The following GNG7 variants were observed in gnomAD, a reference collection of about 807,000 sequenced individuals.
The protein encoded by GNG7 is guanine nucleotide-binding protein G(I)/G(S)/G(O) subunit gamma-7.
In GNG7, 1 loss-of-function variant was observed where a neutral mutation model predicts 4.0. That is an observed-to-expected ratio of 0.25 (90% CI 0.09 to 1.18). The LOEUF (loss-of-function observed/expected upper bound fraction) is 1.18, where lower values mean the gene tolerates loss of function less well. Among genes scored for constraint, GNG7 ranks in the 50% most tolerant of loss-of-function variants. The pLI is 0.50. For synonymous variants in GNG7, 34 were observed against 36.9 expected (o/e 0.92, Z 0.29); for missense variants, 86 against 91.9 (o/e 0.94, Z 0.26).
At chr19:2,599,481 C>T (rs1359666157) in intron 2 of GNG7, among the ~76,000 whole-genome samples, 1 of 152,022 alleles carries the variant, frequency 6.6e-6, no homozygotes, top group African/African-American at 2.4e-5. Flanking sequence ...GAGGGGGGCC[C>T]TCGGGCAGCC....
chr19:2,557,581 A>G lies in GNG7; in HGVS notation c.-77-2393T>C, dbSNP rs1429011606. Among the ~76,000 whole-genome samples the G allele has an allele frequency of 6.6e-6, 1 of 151,612 alleles. No individual in the cohort carries two copies. Among genetic ancestry groups the G allele is most frequent in the East Asian group, 1.9e-4 (1 of 5,156 alleles). Reference sequence around the variant, plus strand: ...TGTAGCACCGTTTCAGGACCGTGATAGAGAAAGACGGGAAGTTAGACTTCT... The same window carrying G: ...TGTAGCACCGTTTCAGGACCGTGATGGAGAAAGACGGGAAGTTAGACTTCT... On this transcript the variant is annotated intron_variant, in intron 2 of 4. Coordinates refer to ENST00000382159, the MANE Select transcript of GNG7 (RefSeq NM_052847.3). This position sits in a 1 kb window ranked among gnomAD's most constrained non-coding sequence, Gnocchi z 5.1.
intron 2 of GNG7, among the ~76,000 whole-genome samples, chr19:2,638,196 C>T (rs994029879): frequency 6.6e-6 from 1 of 151,328 alleles, no homozygotes; most frequent in Non-Finnish European, 1.5e-5. Context: ...AACCCTGTCT[C>T]TACTAAATAT....
At chr19:2,668,049 C>T (rs938373364) in intron 1 of GNG7, among the ~76,000 whole-genome samples, 1 of 152,124 alleles carries the variant, frequency 6.6e-6, no homozygotes, top group Non-Finnish European at 1.5e-5. Flanking sequence ...GAACAGAGTG[C>T]AGACTTGGGT....
intron 2 of GNG7, among the ~76,000 whole-genome samples, chr19:2,561,472 G>A (rs1020505163): frequency 2.0e-5 from 3 of 152,080 alleles, no homozygotes; most frequent in African/African-American, 7.2e-5. Context: ...GAGGGGCCCT[G>A]TCCTCCCCTT....
rs535771039 is a variant in GNG7 at position 2,555,942 on chromosome 19, C to T, written c.-77-754G>A. 1.7e-4 allele frequency among the ~76,000 whole-genome samples: 26 copies of T among 152,156 alleles called. No individual in the cohort carries two copies. In the South Asian group the frequency reaches 5.4e-3, roughly 32 times the overall value. The stretch of plus-strand genomic sequence containing the variant: ...CCACGGCCGTCTCCAATGCACAGTG[C>T]ACGGATCGCGAGGGGGGCCCACGGG... On this transcript the variant is annotated intron_variant, in intron 2 of 4. Transcript: ENST00000382159.
chr19:2,638,399 G>A (rs74823552), intron 2 of GNG7, among the ~76,000 whole-genome samples: 1,319 of 119,628 alleles, frequency 0.011, 21 homozygotes, highest in South Asian at 0.032. Flanking sequence ...AGAAGGGGAT[G>A]GGAAGGGAAA....
intron 1 of GNG7, among the ~76,000 whole-genome samples, chr19:2,655,448 C>G (rs771035571): frequency 5.9e-5 from 9 of 152,002 alleles, no homozygotes; most frequent in Non-Finnish European, 1.2e-4. Context: ...TGCGGTGGCT[C>G]ATATCTGTCA....
chr19:2,535,945 G>C (rs1437310809), intron 3 of GNG7, among the ~76,000 whole-genome samples: 2 of 152,016 alleles, frequency 1.3e-5, no homozygotes, highest in Non-Finnish European at 2.9e-5. Flanking sequence ...GAGCAACAGA[G>C]TGAAACCCCA....
intron 1 of GNG7, among the ~76,000 whole-genome samples, chr19:2,651,575 C>CTCTTT (rs1555700507): frequency 8.0e-6 from 1 of 125,146 alleles, no homozygotes; most frequent in Non-Finnish European, 1.6e-5. Context: ...CTCTCTCTCT[C>CTCTTT]TTTTTTTTTT....
rs948895789 is a variant in GNG7 at position 2,682,611 on chromosome 19, A to T, written c.-135+20035T>A. ...CCGGGAGACGGAGGTTGCAGAGATC[A>T]CACCACTGCACTCCAGCCTGGGCAA... On this transcript the variant is annotated intron_variant, in intron 1 of 4. Transcript: ENST00000382159. 6.2e-5 allele frequency among the ~76,000 whole-genome samples: 9 copies of T among 144,696 alleles called. No individual in the cohort carries two copies. The Admixed American group carries it at 6.4e-4, about 10-fold the overall frequency. The allele number at this position is 144,696 out of a possible 152,430, so 94.9% of individuals were successfully genotyped here. A position where few individuals can be genotyped will look rare whatever the true frequency, so the allele number is the denominator to read the frequency against.
chr19:2,616,876 C>T lies in GNG7; in HGVS notation c.-78+29348G>A, dbSNP rs556701578. ...AAGAGCTGCCAAGAGCAGTGGGGCCCGGGTTCTGCCCGCCTCTTCCTCTGA... is the reference window on the plus strand; with the variant it reads ...AAGAGCTGCCAAGAGCAGTGGGGCCTGGGTTCTGCCCGCCTCTTCCTCTGA... On this transcript the variant is annotated intron_variant, in intron 2 of 4. Coordinates refer to ENST00000382159, the MANE Select transcript of GNG7 (RefSeq NM_052847.3). Among the ~76,000 whole-genome samples, 274 of 152,230 alleles carry T rather than the reference C, an allele frequency of 1.8e-3. 1 individual carries two copies. Among genetic ancestry groups the T allele is most frequent in the Non-Finnish European group, 3.5e-3 (236 of 68,000 alleles).
chr19:2,541,049 G>A (rs1978945455), intron 3 of GNG7, among the ~76,000 whole-genome samples: 1 of 152,270 alleles, frequency 6.6e-6, no homozygotes, highest in Non-Finnish European at 1.5e-5. Flanking sequence ...GAATGCACCC[G>A]GCCTGGCAGA....
intron 2 of GNG7, among the ~76,000 whole-genome samples, chr19:2,619,344 C>A (rs960620343): frequency 3.5e-4 from 54 of 152,184 alleles, no homozygotes; most frequent in African/African-American, 1.1e-3. Context: ...GTGGCTTTCC[C>A]GCTACAATGG....
chr19:2,526,463 T>C (rs1043413416), intron 3 of GNG7, among the ~76,000 whole-genome samples: 1 of 148,378 alleles, frequency 6.7e-6, no homozygotes, highest in Non-Finnish European at 1.5e-5. Context: ...ATACATTTAT[T>C]ACATATTTAT....
chr19:2,588,116 G>T (rs1980731089), intron 2 of GNG7, among the ~76,000 whole-genome samples: 1 of 152,192 alleles, frequency 6.6e-6, no homozygotes, highest in African/African-American at 2.4e-5. Context: ...GCCTGTTGTG[G>T]TGTAAAAGGT....
At chr19:2,598,876 T>TAAGA (rs111411914) in intron 2 of GNG7, among the ~76,000 whole-genome samples, 2 of 151,882 alleles carry the variant, frequency 1.3e-5, no homozygotes, top group Non-Finnish European at 2.9e-5. Context: ...CTGACTTCTG[T>TAAGA]AATCACGTTT....
At chr19:2,625,230 G>A (rs1432454813) in intron 2 of GNG7, among the ~76,000 whole-genome samples, 6 of 152,074 alleles carry the variant, frequency 3.9e-5, no homozygotes, top group South Asian at 2.1e-4. Flanking sequence ...CACTGCACCC[G>A]GCTAATTTTT....
intron 3 of GNG7, among the ~76,000 whole-genome samples, chr19:2,553,397 C>T (rs1609706): frequency 0.55 from 77,475 of 141,508 alleles, 21,312 homozygotes; most frequent in Admixed American, 0.62. Flanking sequence ...TATATATATA[C>T]ATATATATAT....
At chr19:2,573,979 G>A (rs1370994236) in intron 2 of GNG7, among the ~76,000 whole-genome samples, 1 of 152,256 alleles carries the variant, frequency 6.6e-6, no homozygotes, top group East Asian at 1.9e-4. Flanking sequence ...CCACGGACCA[G>A]CTGCTGCGAG....
Sources: allele counts gnomAD v4.1 joint callset (sites outside exome capture counted in the v4.1 genomes callset), GRCh38; gene constraint gnomAD v4.1.1; non-coding constraint Gnocchi (gnomAD v3.1); transcripts MANE v1.5; gene names NCBI Gene and HGNC (gene_info 2026-07-23, HGNC 2026-07-21).